The following MAML3 variants were observed in gnomAD, a reference collection of about 807,000 sequenced individuals.
MAML3 encodes the protein mastermind like transcriptional coactivator 3.
In MAML3, 27 loss-of-function variants were observed where a neutral mutation model predicts 101.9. The observed-to-expected ratio is 0.27, with a 90% confidence interval of 0.20 to 0.37. The LOEUF is 0.37. Ranked by LOEUF, MAML3 falls within the 10% of genes least tolerant of loss-of-function variation. The pLI is 1.00. For missense variants in MAML3, 1,316 were observed against 1,444.9 expected (o/e 0.91, Z 1.45); for synonymous variants, 501 against 555.9 (o/e 0.90, Z 1.39).
At chr4:140,083,983 G>C (rs992670968) in intron 1 of MAML3, among the ~76,000 whole-genome samples, 1,650 of 142,742 alleles carry the variant, frequency 0.012, 9 homozygotes, top group African/African-American at 0.035. Flanking sequence ...GAGAGAGAGA[G>C]AGAGAGAGAG....
At chr4:140,102,470 G>A (rs985598909) in intron 1 of MAML3, among the ~76,000 whole-genome samples, 4 of 152,142 alleles carry the variant, frequency 2.6e-5, no homozygotes, top group Non-Finnish European at 4.4e-5. Flanking sequence ...GCAGATGGCC[G>A]CCTCCTATCT....
At chr4:139,927,376 A>G (rs1296544329) in intron 1 of MAML3, among the ~76,000 whole-genome samples, 8 of 152,318 alleles carry the variant, frequency 5.3e-5, no homozygotes, top group South Asian at 4.1e-4. Flanking sequence ...AGGGTGGTTT[A>G]TGCTGGTTTT....
chr4:139,890,201 T>C lies in MAML3; in HGVS notation c.1235A>G (p.Asn412Ser). 1 of 1,613,330 alleles carries C rather than the reference T, an allele frequency of 6.2e-7. No individual in the cohort carries two copies. The highest frequency in any genetic ancestry group is 8.5e-7 in the Non-Finnish European group (1 of 1,179,874). Reference protein sequence around the residue: ...AAPNPASSPANCAVQSPQTPN... With the variant: ...AAPNPASSPASCAVQSPQTPN... The stretch of plus-strand genomic sequence containing the variant: ...AGTTTGAGGGGACTGGACAGCACAG[T>C]TTGCTGGTGAGCTTGCAGGGTTTGG... The change falls in exon 2 of 5, where the codon AAC becomes AGC. Residue 412 changes from asparagine (N) to serine (S), a missense_variant. Coordinates refer to ENST00000509479, the MANE Select transcript of MAML3 (RefSeq NM_018717.5). This position sits in a 1 kb window ranked among gnomAD's most constrained non-coding sequence, Gnocchi z 4.1.
chr4:140,029,374 G>A (rs1726873422), intron 1 of MAML3, among the ~76,000 whole-genome samples: 1 of 152,174 alleles, frequency 6.6e-6, no homozygotes, highest in Non-Finnish European at 1.5e-5. Context: ...GAGAAATGCT[G>A]AATTCTCTCT....
chr4:140,037,245 A>AC, intron 1 of MAML3, among the ~76,000 whole-genome samples: 1 of 151,778 alleles, frequency 6.6e-6, no homozygotes, highest in East Asian at 1.9e-4. Flanking sequence ...CTGCTTGAAA[A>AC]AAAAAAAACA....
intron 1 of MAML3, among the ~76,000 whole-genome samples, chr4:140,045,019 A>C (rs1727156398): frequency 6.6e-6 from 1 of 152,246 alleles, no homozygotes; most frequent in African/African-American, 2.4e-5. Context: ...ACTACTCAAA[A>C]TATCATCACA....
intron 2 of MAML3, among the ~76,000 whole-genome samples, chr4:139,799,237 G>A (rs1730565865): frequency 6.6e-6 from 1 of 152,204 alleles, no homozygotes; most frequent in Non-Finnish European, 1.5e-5. Context: ...ACATAATTAA[G>A]CGACCAACTT....
intron 1 of MAML3, among the ~76,000 whole-genome samples, chr4:139,969,390 C>T (rs1183186125): frequency 1.3e-5 from 2 of 152,068 alleles, no homozygotes; most frequent in African/African-American, 2.4e-5. Flanking sequence ...TCTACTTCCC[C>T]ACATTTTTGC....
chr4:139,738,089 C>T (rs1273539759), intron 2 of MAML3, among the ~76,000 whole-genome samples: 3 of 147,790 alleles, frequency 2.0e-5, no homozygotes, highest in Non-Finnish European at 4.6e-5. Flanking sequence ...TGGGTAGAAA[C>T]TCAGCTCCAC....
intron 3 of MAML3, among the ~76,000 whole-genome samples, chr4:139,727,048 G>A (rs559971123): frequency 1.3e-5 from 2 of 152,254 alleles, no homozygotes; most frequent in African/African-American, 4.8e-5. Context: ...TCTTTAGAGT[G>A]TTCATTATAA....
In MAML3 at chr4:140,095,998, CCT is replaced by C. The variant is rs550054057; in HGVS notation, c.468+56860_468+56861del. Among the ~76,000 whole-genome samples the C allele has an allele frequency of 2.2e-4, 34 of 152,298 alleles. No individual in the cohort carries two copies. In the East Asian group the frequency reaches 6.6e-3, roughly 29 times the overall value. On this transcript the variant is annotated intron_variant, in intron 1 of 4. Transcript: ENST00000509479. The stretch of plus-strand genomic sequence containing the variant: ...AGCACCCAGTTACACACTGTGGGCT[CCT>C]GTTACACACAGCAGGTTCTCAGCAA...
intron 1 of MAML3, among the ~76,000 whole-genome samples, chr4:139,958,870 G>C (rs1230037324): frequency 6.6e-6 from 1 of 152,128 alleles, no homozygotes; most frequent in African/African-American, 2.4e-5. Flanking sequence ...TAATTACTTC[G>C]TAGAGCTTGT....
intron 1 of MAML3, among the ~76,000 whole-genome samples, chr4:140,011,314 T>C (rs1726556361): frequency 7.1e-6 from 1 of 141,290 alleles, no homozygotes; most frequent in African/African-American, 2.5e-5. Context: ...AAGACATTGA[T>C]TGGTTTTACT....
Position 139,903,482 on chromosome 4 carries a change from C to G in MAML3, c.469-12515G>C, listed in dbSNP as rs77252599. Among the ~76,000 whole-genome samples the G allele has an allele frequency of 1.1e-3, 171 of 152,322 alleles. 1 individual carries two copies. The highest frequency in any genetic ancestry group is 1.3e-3 in the Non-Finnish European group (86 of 68,030). ...GGCAATGTAGCAGTCTACGTCCAGTCTAGGGATACACAAAGGTGGTAAATA... is the reference window on the plus strand; with the variant it reads ...GGCAATGTAGCAGTCTACGTCCAGTGTAGGGATACACAAAGGTGGTAAATA... On this transcript the variant is annotated intron_variant, in intron 1 of 4. Coordinates refer to ENST00000509479, the MANE Select transcript of MAML3 (RefSeq NM_018717.5).
At chr4:140,037,377 C>A (rs892362441) in intron 1 of MAML3, among the ~76,000 whole-genome samples, 1 of 152,214 alleles carries the variant, frequency 6.6e-6, no homozygotes, top group Non-Finnish European at 1.5e-5. Context: ...GGAGTTTGCA[C>A]TTTAAATAGA....
chr4:140,151,581 C>A (rs1418925192), intron 1 of MAML3, among the ~76,000 whole-genome samples: 1 of 152,026 alleles, frequency 6.6e-6, no homozygotes, highest in Non-Finnish European at 1.5e-5. Flanking sequence ...CCGGGCTCTG[C>A]GCCGCCGATC....
intron 1 of MAML3, among the ~76,000 whole-genome samples, chr4:140,139,615 A>G (rs1038379694): frequency 6.6e-6 from 1 of 152,250 alleles, no homozygotes; most frequent in African/African-American, 2.4e-5. Context: ...TCTTTCAAAT[A>G]AAAATAAAAT....
At chr4:139,851,455 T>C (rs895301625) in intron 2 of MAML3, among the ~76,000 whole-genome samples, 16 of 152,234 alleles carry the variant, frequency 1.1e-4, no homozygotes, top group Admixed American at 9.2e-4. Flanking sequence ...GAGAGAAATT[T>C]GGAAGAAAAG....
chr4:139,812,957 A>G (rs1305220524), intron 2 of MAML3, among the ~76,000 whole-genome samples: 1 of 130,196 alleles, frequency 7.7e-6, no homozygotes, highest in Non-Finnish European at 1.6e-5. Flanking sequence ...AATCTCTAAT[A>G]TATTCTCAGA....
Sources: gnomAD v4.1 joint callset for allele counts (sites outside exome capture counted in the v4.1 genomes callset) on GRCh38, gnomAD v4.1.1 for gene constraint, Gnocchi (gnomAD v3.1) non-coding constraint, MANE v1.5 for transcripts, NCBI Gene and HGNC (gene_info 2026-07-23, HGNC 2026-07-21) for gene names.